HS2ST1: variants seen among roughly 807,000 people sequenced by gnomAD.
The protein encoded by HS2ST1 is heparan sulfate 2-O-sulfotransferase 1.
A neutral mutation model predicts 42.9 loss-of-function variants in HS2ST1; 18 were observed. The ratio of observed to expected loss-of-function variants is 0.42; its 90% CI spans 0.29 to 0.62. The LOEUF is 0.62. Among genes scored for constraint, HS2ST1 ranks in the 20% least tolerant of loss-of-function variants. The pLI, the probability that HS2ST1 is intolerant of heterozygous loss-of-function variation, is 0.21. For synonymous variants in HS2ST1, 146 were observed against 152.9 expected (o/e 0.95, Z 0.33); for missense variants, 334 against 433.8 (o/e 0.77, Z 2.04).
chr1:87,074,692 A>G (rs113304780), intron 2 of HS2ST1, among the ~76,000 whole-genome samples: 26 of 149,348 alleles, frequency 1.7e-4, no homozygotes, highest in African/African-American at 5.1e-4. Flanking sequence ...TATGTATAGG[A>G]AAAAAAAAAC....
intron 1 of HS2ST1, among the ~76,000 whole-genome samples, chr1:86,950,305 C>CA (rs1647473477): frequency 6.6e-6 from 1 of 152,048 alleles, no homozygotes; most frequent in Non-Finnish European, 1.5e-5. Context: ...TTGGACCCTT[C>CA]AAAAATGCTA....
At chr1:87,045,569 CTTCT>C in intron 1 of HS2ST1, 1 of 793,208 alleles carries the variant, frequency 1.3e-6, no homozygotes, top group Non-Finnish European at 2.3e-6. Context: ...GCACAAGAAA[CTTCT>C]TTCTTGGATT....
At chr1:86,947,422 A>G (rs1570439072) in intron 1 of HS2ST1, among the ~76,000 whole-genome samples, 1 of 152,216 alleles carries the variant, frequency 6.6e-6, no homozygotes, top group African/African-American at 2.4e-5. Flanking sequence ...TTCCAGAAAA[A>G]TATCTGTTGT....
chr1:87,016,540 A>T (rs1649765122), intron 1 of HS2ST1, among the ~76,000 whole-genome samples: 1 of 152,196 alleles, frequency 6.6e-6, no homozygotes, highest in African/African-American at 2.4e-5. Flanking sequence ...CACAGAAATA[A>T]CACAATCTAT....
In HS2ST1 at chr1:86,914,840, C is replaced by T; in HGVS notation, c.-197C>T. The T allele has an allele frequency of 1.6e-6, 1 of 616,680 alleles. No homozygotes were observed. Among genetic ancestry groups the T allele is most frequent in the Non-Finnish European group, 2.8e-6 (1 of 357,554 alleles). 38.2% of individuals were successfully genotyped at this position (616,680 alleles called of 1,614,324 possible). A position where few individuals can be genotyped will look rare whatever the true frequency, so the allele number is the denominator to read the frequency against. On this transcript the variant is annotated 5_prime_UTR_variant, in exon 1 of 7. Transcript: ENST00000370550. ...GTTTAGTCGGCTGAGGAGAAGCGGA[C>T]ACCAGCGGCGTTGGTGATAGCGCCT...
chr1:86,951,340 G>A (rs868613381), intron 1 of HS2ST1, among the ~76,000 whole-genome samples: 1 of 152,028 alleles, frequency 6.6e-6, no homozygotes, highest in African/African-American at 2.4e-5. Flanking sequence ...AAAAACAGGC[G>A]TATCTCAGAA....
At chr1:87,016,296 G>A (rs1649756502) in intron 1 of HS2ST1, among the ~76,000 whole-genome samples, 2 of 152,166 alleles carry the variant, frequency 1.3e-5, no homozygotes, top group South Asian at 4.1e-4. Context: ...TTATCATCAG[G>A]ATATTTAACC....
At chr1:86,925,688 A>G (rs181620800) in intron 1 of HS2ST1, among the ~76,000 whole-genome samples, 2 of 152,316 alleles carry the variant, frequency 1.3e-5, no homozygotes, top group Admixed American at 6.5e-5. Flanking sequence ...ATTACCTCCT[A>G]CCAGTTCCCT....
At chr1:87,087,064 A>G (rs1384933530) in intron 3 of HS2ST1, among the ~76,000 whole-genome samples, 1 of 152,060 alleles carries the variant, frequency 6.6e-6, no homozygotes, top group Non-Finnish European at 1.5e-5. Context: ...TTTTTTCTGT[A>G]ATTACCAGTT....
chr1:86,921,851 T>C (rs1220712886), intron 1 of HS2ST1, among the ~76,000 whole-genome samples: 1 of 152,232 alleles, frequency 6.6e-6, no homozygotes, highest in Non-Finnish European at 1.5e-5. Context: ...TTCAGTTTTC[T>C]TTTGATTAGT....
intron 1 of HS2ST1, among the ~76,000 whole-genome samples, chr1:87,003,290 G>GA (rs5775928): frequency 0.74 from 112,170 of 151,982 alleles, 42,713 homozygotes; most frequent in East Asian, 0.97. Flanking sequence ...AGATTCAGGA[G>GA]AAAAAAATAG....
intron 1 of HS2ST1, among the ~76,000 whole-genome samples, chr1:86,992,431 A>T (rs541740377): frequency 1.9e-4 from 28 of 151,328 alleles, no homozygotes; most frequent in Admixed American, 7.9e-4. Context: ...CAATGGCATG[A>T]TCTCGGCTCA....
chr1:87,105,397 T>G lies in HS2ST1; in HGVS notation c.*701T>G, dbSNP rs1294209620. 2.0e-5 allele frequency: 3 copies of G among 152,540 alleles called. No homozygotes were observed. In the East Asian group the frequency reaches 5.8e-4, roughly 29 times the overall value. The allele number at this position is 152,540 out of a possible 1,614,324, so 9.4% of individuals were successfully genotyped here. On this transcript the variant is annotated 3_prime_UTR_variant, in exon 7 of 7. Coordinates refer to ENST00000370550, the MANE Select transcript of HS2ST1 (RefSeq NM_012262.4). ...TACTGGGAAGATACTTCAAAGAATA[T>G]TGAGATTGTCTGAAGTTTTAGTTAA... is the stretch of plus-strand genomic sequence containing the variant.
At chr1:87,085,061 A>C (rs1232065990) in intron 3 of HS2ST1, among the ~76,000 whole-genome samples, 1 of 152,194 alleles carries the variant, frequency 6.6e-6, no homozygotes, top group African/African-American at 2.4e-5. Context: ...TCAGAAAATT[A>C]ATTAAACTTA....
At chr1:86,952,234 T>G (rs928046550) in intron 1 of HS2ST1, among the ~76,000 whole-genome samples, 9 of 152,216 alleles carry the variant, frequency 5.9e-5, no homozygotes, top group African/African-American at 2.2e-4. Flanking sequence ...AATGTTTTTC[T>G]TAAATAATAA....
Position 86,914,948 on chromosome 1 carries a change from C to A in HS2ST1, c.-89C>A. 6.6e-7 allele frequency: 1 copy of A among 1,525,316 alleles called. No individual in the cohort carries two copies. Among genetic ancestry groups the A allele is most frequent in the Non-Finnish European group, 8.9e-7 (1 of 1,123,126 alleles). The allele number at this position is 1,525,316 out of a possible 1,614,324, so 94.5% of individuals were successfully genotyped here. ...CGCTCTCTCTTTGCCTCGCTCCCGGCTCGGCGGGCTCCTCCCGGCGTCTCT... is the reference window on the plus strand; with the variant it reads ...CGCTCTCTCTTTGCCTCGCTCCCGGATCGGCGGGCTCCTCCCGGCGTCTCT... On this transcript the variant is annotated 5_prime_UTR_variant, in exon 1 of 7. Transcript: ENST00000370550.
Position 87,092,681 on chromosome 1 carries a change from G to C in HS2ST1, c.588+12G>C. On this transcript the variant is annotated intron_variant, in intron 4 of 6. Transcript: ENST00000370550. The stretch of plus-strand genomic sequence containing the variant: ...AAGGAGACAAAAAGGTAATATTTTA[G>C]TTTTAAGATTTTTATAAAGATAATT... 1 of 1,498,472 alleles carries C rather than the reference G, an allele frequency of 6.7e-7. No homozygotes were observed. Among genetic ancestry groups the C allele is most frequent in the South Asian group, 1.4e-5 (1 of 73,104 alleles). 92.8% of individuals were successfully genotyped at this position (1,498,472 alleles called of 1,614,324 possible).
chr1:86,987,836 A>G (rs1302255732), intron 1 of HS2ST1, among the ~76,000 whole-genome samples: 1 of 152,230 alleles, frequency 6.6e-6, no homozygotes, highest in Non-Finnish European at 1.5e-5. Context: ...ATTCAAAGAA[A>G]CCAACCATTT....
At chr1:87,009,801 G>A (rs572478950) in intron 1 of HS2ST1, among the ~76,000 whole-genome samples, 14 of 152,134 alleles carry the variant, frequency 9.2e-5, no homozygotes, top group East Asian at 7.8e-4. Flanking sequence ...TTGGGAGGCC[G>A]AGGCGGGTGG....
Sources: allele counts gnomAD v4.1 joint callset (sites outside exome capture counted in the v4.1 genomes callset), GRCh38; gene constraint gnomAD v4.1.1; transcripts MANE v1.5; gene names NCBI Gene and HGNC (gene_info 2026-07-23, HGNC 2026-07-21).